CTNNA3: variants seen among roughly 807,000 people sequenced by gnomAD.
CTNNA3 encodes catenin alpha 3, also known as catenin alpha-3.
In CTNNA3, 76 loss-of-function variants were observed where a neutral mutation model predicts 95.7. The observed-to-expected ratio is 0.79, with a 90% CI of 0.66 to 0.96. The LOEUF is 0.96. Among genes scored for constraint, CTNNA3 ranks in the 40% least tolerant of loss-of-function variants. The pLI is 0.00. For synonymous variants in CTNNA3, 431 were observed against 374.4 expected, an observed-to-expected ratio of 1.15 and a Z score of -1.74; for missense variants, 1,191 against 1,089.8, an observed-to-expected ratio of 1.09 and a Z score of -1.31.
At chr10:67,337,859 T>A (rs775169163) in intron 5 of CTNNA3, among the ~76,000 whole-genome samples, 4 of 152,196 alleles carry the variant, frequency 2.6e-5, no homozygotes, top group Non-Finnish European at 5.9e-5. Flanking sequence ...TTGGATATAA[T>A]GCAATTGCAC....
intron 17 of CTNNA3, among the ~76,000 whole-genome samples, chr10:65,936,593 G>T (rs1189508401): frequency 6.6e-6 from 1 of 151,932 alleles, no homozygotes; most frequent in Non-Finnish European, 1.5e-5. Flanking sequence ...ATTGCCTTTT[G>T]GAAATTTACA....
chr10:67,616,180 T>G (rs773648665), intron 2 of CTNNA3, among the ~76,000 whole-genome samples: 1 of 152,266 alleles, frequency 6.6e-6, no homozygotes. Context: ...AGAGCTTGAC[T>G]GTTGTATTCC....
intron 7 of CTNNA3, among the ~76,000 whole-genome samples, chr10:67,060,842 AG>A (rs113940646): frequency 0.12 from 18,017 of 152,082 alleles, 1,239 homozygotes; most frequent in African/African-American, 0.2. Flanking sequence ...GACATGAAAA[AG>A]AAATACATTT....
At chr10:66,666,952 T>A (rs773205618) in intron 9 of CTNNA3, among the ~76,000 whole-genome samples, 3 of 152,082 alleles carry the variant, frequency 2.0e-5, no homozygotes, top group East Asian at 1.9e-4. Context: ...CTTAAAGGGA[T>A]AATAGTTTTT....
chr10:66,687,714 TATATAC>T (rs1032264698), intron 9 of CTNNA3, among the ~76,000 whole-genome samples: 46 of 128,418 alleles, frequency 3.6e-4, no homozygotes, highest in Admixed American at 3.3e-3. Context: ...TATATATATA[TATATAC>T]ACACACACAC....
At chr10:66,097,477 TATC>T (rs1310831565) in intron 14 of CTNNA3, among the ~76,000 whole-genome samples, 1 of 152,180 alleles carries the variant, frequency 6.6e-6, no homozygotes, top group African/African-American at 2.4e-5. Flanking sequence ...ATATTATTAT[TATC>T]ATCATCATGA....
chr10:66,009,502 A>G (rs2078964125), intron 15 of CTNNA3, among the ~76,000 whole-genome samples: 1 of 152,074 alleles, frequency 6.6e-6, no homozygotes, highest in Admixed American at 6.5e-5. Flanking sequence ...GAAGGCTACA[A>G]TGTTTACGTT....
chr10:65,964,339 AT>A (rs968394725), intron 17 of CTNNA3, among the ~76,000 whole-genome samples: 12 of 151,918 alleles, frequency 7.9e-5, no homozygotes, highest in Non-Finnish European at 1.3e-4. Flanking sequence ...TTTCAGATTT[AT>A]TTTTTTTCTA....
chr10:67,668,255 T>G (rs1022320212), intron 1 of CTNNA3, among the ~76,000 whole-genome samples: 2 of 149,324 alleles, frequency 1.3e-5, no homozygotes, highest in African/African-American at 5.1e-5. Flanking sequence ...ACTACTTACT[T>G]AAAATACTCC....
In CTNNA3 at chr10:67,558,888, G is replaced by C. The variant is rs1459472135; in HGVS notation, c.293-19219C>G. On this transcript the variant is annotated intron_variant, in intron 3 of 17. Transcript: ENST00000433211. ...GCCCACGGAGTCTCGCTGATTGCTA[G>C]CACATCAGGCTGAGATCAAACTGCA... is the stretch of plus-strand genomic sequence containing the variant. 2.0e-5 allele frequency among the ~76,000 whole-genome samples: 3 copies of C among 152,200 alleles called. No individual in the cohort carries two copies. The East Asian group carries it at 5.8e-4, about 29-fold the overall frequency.
At chr10:66,331,338 G>GCTTGCCTTT (rs1417713676) in intron 12 of CTNNA3, among the ~76,000 whole-genome samples, 1 of 39,116 alleles carries the variant, frequency 2.6e-5, no homozygotes, top group Non-Finnish European at 5.9e-5. Context: ...TTTCCCCATT[G>GCTTGCCTTT]TTTGTTTTTT....
chr10:67,041,334 C>T (rs1854382486), intron 7 of CTNNA3, among the ~76,000 whole-genome samples: 2 of 152,128 alleles, frequency 1.3e-5, no homozygotes, highest in Middle Eastern at 3.4e-3. Flanking sequence ...AAGGGGCCTT[C>T]GTGATACCTG....
intron 5 of CTNNA3, among the ~76,000 whole-genome samples, chr10:67,461,526 C>A (rs1319850429): frequency 6.6e-6 from 1 of 152,108 alleles, no homozygotes; most frequent in Non-Finnish European, 1.5e-5. Context: ...TATGACCACA[C>A]TTAGGACAAT....
intron 13 of CTNNA3, among the ~76,000 whole-genome samples, chr10:66,240,411 T>C (rs2090050289): frequency 6.6e-6 from 1 of 152,108 alleles, no homozygotes; most frequent in Admixed American, 6.6e-5. Flanking sequence ...GTTTTCATCT[T>C]TGGGCTTCTG....
chr10:66,614,445 T>C (rs1258513014), intron 10 of CTNNA3, among the ~76,000 whole-genome samples: 5 of 152,016 alleles, frequency 3.3e-5, no homozygotes, highest in African/African-American at 1.2e-4. Flanking sequence ...GTTTATGGCT[T>C]TCCATGCTAA....
chr10:65,966,522 C>G (rs1941989), intron 17 of CTNNA3, 90 bp downstream of exon 17: 3 of 1,118,134 alleles, frequency 2.7e-6, no homozygotes, highest in South Asian at 2.9e-5. Context: ...CTAATTTTAC[C>G]TAAAAGATTT....
chr10:67,479,224 G>A (rs1848130328), intron 5 of CTNNA3, among the ~76,000 whole-genome samples: 1 of 152,128 alleles, frequency 6.6e-6, no homozygotes, highest in South Asian at 2.1e-4. Flanking sequence ...CTGGACTTGA[G>A]ATTGACACTT....
intron 8 of CTNNA3, among the ~76,000 whole-genome samples, chr10:66,771,747 T>C (rs1840094685): frequency 6.6e-6 from 1 of 152,190 alleles, no homozygotes; most frequent in Non-Finnish European, 1.5e-5. Context: ...ATGAATATGC[T>C]TGGTAGAGAG....
chr10:66,217,313 A>C (rs2088612755), intron 13 of CTNNA3, among the ~76,000 whole-genome samples: 2 of 150,190 alleles, frequency 1.3e-5, no homozygotes, highest in Admixed American at 6.7e-5. Flanking sequence ...AGATCACGCC[A>C]CTGCACTCTA....
Sources: gnomAD v4.1 joint callset for allele counts (sites outside exome capture counted in the v4.1 genomes callset) on GRCh38, gnomAD v4.1.1 for gene constraint, MANE v1.5 for transcripts, NCBI Gene and HGNC (gene_info 2026-07-23, HGNC 2026-07-21) for gene names.